Variants in XXYLT1 observed in about 807,000 individuals in gnomAD.
XXYLT1 encodes the protein xyloside xylosyltransferase 1, also known as UDP-xylose:alpha-xyloside alpha-1,3-xylosyltransferase.
A neutral mutation model predicts 28.9 loss-of-function variants in XXYLT1; 20 were observed. The observed-to-expected ratio is 0.69, with a 90% CI of 0.49 to 1.00. The LOEUF (loss-of-function observed/expected upper bound fraction) is 1.00, where lower values mean the gene tolerates loss of function less well. Ranked by LOEUF, XXYLT1 falls within the 50% of genes least tolerant of loss-of-function variation. The pLI is 0.00. For synonymous variants in XXYLT1, 257 were observed against 253.8 expected (o/e 1.01, Z -0.12); for missense variants, 542 against 560.1 (o/e 0.97, Z 0.33).
rs79932682 is a variant in XXYLT1, at chr3:195,094,070, G to A, written c.786-23959C>T. On this transcript the variant is annotated intron_variant, in intron 3 of 3. Transcript: ENST00000310380. ...CTTCCTCCTCCCTGTGTGGAATTTC[G>A]TGGGCTGGCTTGCTGGGGAGGCCAT... The A allele has an allele frequency of 1.5e-3, 239 of 155,292 alleles. 1 individual carries two copies. The highest frequency in any genetic ancestry group is 0.015 in the East Asian group (79 of 5,254). 9.6% of individuals were successfully genotyped at this position (155,292 alleles called of 1,614,324 possible).
intron 2 of XXYLT1, among the ~76,000 whole-genome samples, chr3:195,177,253 G>A (rs945353304): frequency 6.6e-6 from 1 of 152,160 alleles, no homozygotes; most frequent in Non-Finnish European, 1.5e-5. Context: ...ATGCTTCCTA[G>A]ACAGTGAGGC....
chr3:195,133,939 T>C lies in XXYLT1; in HGVS notation c.785+22510A>G, dbSNP rs116607011. On this transcript the variant is annotated intron_variant, in intron 3 of 3. Coordinates refer to ENST00000310380, the MANE Select transcript of XXYLT1 (RefSeq NM_152531.5). The surrounding 1 kb of genome is among the most constrained non-coding windows in gnomAD (Gnocchi z 4.4). ...AAAAGTATTTACTTTTGGCTGGGTG[T>C]GGAGGCTCATGCCTGTAATCCTGGC... Among the ~76,000 whole-genome samples, 1,115 of 152,238 alleles carry C rather than the reference T, an allele frequency of 7.3e-3. 17 individuals carry two copies. The highest frequency in any genetic ancestry group is 0.025 in the African/African-American group (1,050 of 41,522).
intron 3 of XXYLT1, among the ~76,000 whole-genome samples, chr3:195,074,374 C>T (rs866449477): frequency 6.6e-5 from 10 of 152,240 alleles, no homozygotes; most frequent in South Asian, 2.1e-4. Flanking sequence ...TCTGGGCCTC[C>T]TCCCAGAGGA....
chr3:195,173,781 G>A lies in XXYLT1; in HGVS notation c.653-17200C>T, dbSNP rs558498470. 5.3e-5 allele frequency among the ~76,000 whole-genome samples: 8 copies of A among 152,302 alleles called. No homozygotes were observed. The highest frequency in any genetic ancestry group is 1.9e-4 in the East Asian group (1 of 5,176). ...ATCTCAGGCCATCCCGCACCGGCTC[G>A]CTGTCCAGGAGAGCACCCAGCTCCC... On this transcript the variant is annotated intron_variant, in intron 2 of 3. Transcript: ENST00000310380. This position sits in a 1 kb window ranked among gnomAD's most constrained non-coding sequence, Gnocchi z 4.3.
At position 195,257,015 on chromosome 3, in the gene XXYLT1, G is replaced by A. The variant is rs779915177; in HGVS notation, c.504+13540C>T. Among the ~76,000 whole-genome samples the A allele has an allele frequency of 7.9e-5, 12 of 152,196 alleles. No homozygotes were observed. Among genetic ancestry groups the A allele is most frequent in the East Asian group, 5.8e-4 (3 of 5,186 alleles). Reference sequence around the variant, plus strand: ...GGACAGTTCCAAAACCCAAAACACCGCTGACACTTCATGGCTAGTGTCAGG... The same window carrying A: ...GGACAGTTCCAAAACCCAAAACACCACTGACACTTCATGGCTAGTGTCAGG... On this transcript the variant is annotated intron_variant, in intron 1 of 3. Coordinates refer to ENST00000310380, the MANE Select transcript of XXYLT1 (RefSeq NM_152531.5). This position sits in a 1 kb window ranked among gnomAD's most constrained non-coding sequence, Gnocchi z 4.3.
intron 1 of XXYLT1, among the ~76,000 whole-genome samples, chr3:195,245,363 T>C (rs563616806): frequency 2.0e-5 from 3 of 151,928 alleles, no homozygotes; most frequent in Admixed American, 2.0e-4. Flanking sequence ...TTTCACCATA[T>C]TGGCCAGGTT....
chr3:195,207,244 C>T (rs771732650), intron 2 of XXYLT1, among the ~76,000 whole-genome samples: 11 of 152,160 alleles, frequency 7.2e-5, no homozygotes, highest in Non-Finnish European at 1.5e-4. Context: ...CAAAGCAGCC[C>T]CACACACAGT....
Position 195,270,778 on chromosome 3 carries a change from G to T in XXYLT1, c.281C>A (p.Ala94Asp), listed in dbSNP as rs1052082991. ...CAGCAGGTGGTAGTCCACCGGCCCG[G>T]CACCGCCGCCCTCCAAGCTCTTGGC... ...AKAKSLEGGG[A>D]GPVDYHLLMM... The change falls in exon 1 of 4, where the codon GCC becomes GAC. Residue 94 changes from alanine (A) to aspartate (D), a missense_variant. Ala to Asp is a moderately radical substitution (Grantham distance 126, BLOSUM62 -2). Transcript: ENST00000310380. 4 of 1,572,304 alleles carry T rather than the reference G, an allele frequency of 2.5e-6. No homozygotes were observed. The Admixed American group carries it at 7.2e-5, about 28-fold the overall frequency.
rs992943995 is a variant in XXYLT1, at chr3:195,072,759, G to C, written c.786-2648C>G. Among the ~76,000 whole-genome samples the C allele has an allele frequency of 2.6e-5, 4 of 152,170 alleles. No homozygotes were observed. In the East Asian group the frequency reaches 7.7e-4, roughly 29 times the overall value. On this transcript the variant is annotated intron_variant, in intron 3 of 3. Coordinates refer to ENST00000310380, the MANE Select transcript of XXYLT1 (RefSeq NM_152531.5). ...CCAAAGCGATGTTCAGGGGGCCCTTGTTCAAGGCGTCCCTACTATCCCCAA... is the reference window on the plus strand; with the variant it reads ...CCAAAGCGATGTTCAGGGGGCCCTTCTTCAAGGCGTCCCTACTATCCCCAA...
intron 3 of XXYLT1, among the ~76,000 whole-genome samples, chr3:195,088,090 T>C (rs145827636): frequency 0.25 from 37,015 of 150,084 alleles, 5,075 homozygotes; most frequent in East Asian, 0.6. Flanking sequence ...AACTGCAAGG[T>C]GGCAGCGAGG....
At chr3:195,164,450 T>TA (rs1297403247) in intron 2 of XXYLT1, among the ~76,000 whole-genome samples, 2 of 152,252 alleles carry the variant, frequency 1.3e-5, no homozygotes, top group Admixed American at 6.5e-5. Flanking sequence ...CCTGAAGGAC[T>TA]ACTGTCCTCT....
chr3:195,215,331 T>C (rs1723523817), intron 2 of XXYLT1, among the ~76,000 whole-genome samples: 1 of 128,600 alleles, frequency 7.8e-6, no homozygotes, highest in Admixed American at 8.1e-5. Flanking sequence ...ATATTAACTT[T>C]AAATGTAAAT....
At chr3:195,245,552 T>C (rs1351800547) in intron 1 of XXYLT1, among the ~76,000 whole-genome samples, 1 of 152,162 alleles carries the variant, frequency 6.6e-6, no homozygotes, top group Non-Finnish European at 1.5e-5. Flanking sequence ...AGAAGCCATT[T>C]AATTTGAGCG....
At chr3:195,085,198 C>T (rs537158856) in intron 3 of XXYLT1, among the ~76,000 whole-genome samples, 6 of 152,188 alleles carry the variant, frequency 3.9e-5, no homozygotes, top group Non-Finnish European at 8.8e-5. Flanking sequence ...TGAGTGAGGT[C>T]CCTGGAGAAC....
chr3:195,089,351 AAG>A (rs1716001143), intron 3 of XXYLT1, among the ~76,000 whole-genome samples: 1 of 152,166 alleles, frequency 6.6e-6, no homozygotes, highest in African/African-American at 2.4e-5. Flanking sequence ...TACAAGCCAG[AAG>A]AGAGTGGGGG....
intron 3 of XXYLT1, among the ~76,000 whole-genome samples, chr3:195,128,073 T>A (rs958181001): frequency 3.3e-5 from 5 of 152,128 alleles, no homozygotes; most frequent in Admixed American, 1.3e-4. Context: ...CATGAGGACC[T>A]GTAACCTGCA....
At chr3:195,122,415 G>A (rs990349919) in intron 3 of XXYLT1, among the ~76,000 whole-genome samples, 1 of 152,186 alleles carries the variant, frequency 6.6e-6, no homozygotes, top group Non-Finnish European at 1.5e-5. Context: ...TAGCTGGAAT[G>A]TAGTACTGAG....
At chr3:195,237,394 C>A (rs1042071979) in intron 1 of XXYLT1, among the ~76,000 whole-genome samples, 8 of 152,126 alleles carry the variant, frequency 5.3e-5, no homozygotes, top group Admixed American at 2.6e-4. Flanking sequence ...TTCCCCGTCA[C>A]ACAGGTTCTC....
chr3:195,166,731 G>A (rs1378734986), intron 2 of XXYLT1, among the ~76,000 whole-genome samples: 1 of 152,112 alleles, frequency 6.6e-6, no homozygotes, highest in South Asian at 2.1e-4. Context: ...CACCAGGCTG[G>A]AGTACAATGG....
Sources: allele counts gnomAD v4.1 joint callset (sites outside exome capture counted in the v4.1 genomes callset), GRCh38; gene constraint gnomAD v4.1.1; non-coding constraint Gnocchi (gnomAD v3.1); transcripts MANE v1.5; gene names NCBI Gene and HGNC (gene_info 2026-07-23, HGNC 2026-07-21).